The following ANK1 variants were observed in gnomAD, a reference collection of about 807,000 sequenced individuals.
ANK1 encodes ankyrin 1, also known as ankyrin-1.
ANK1 carries 51 observed loss-of-function variants against 210.4 expected under a neutral mutation model. The ratio of observed to expected loss-of-function variants is 0.24; its 90% confidence interval spans 0.19 to 0.31. ANK1 has a LOEUF of 0.31. Among genes scored for constraint, ANK1 ranks in the 10% least tolerant of loss-of-function variants. ANK1 has a pLI of 1.00. For missense variants in ANK1, 2,051 were observed against 2,504.4 expected (o/e 0.82, Z 3.86); for synonymous variants, 967 against 1,025.9 (o/e 0.94, Z 1.10).
rs746685532 is a variant in ANK1, at chr8:41,723,154, G to T, written c.880C>A (p.His294Asn). ...HVRISEILLD[H>N]GAPIQAKTKN... ...GTTTTGGCTTGGATTGGTGCCCCGT[G>T]GTCCAGCAGGATCTCTGAGATTCGC... The change falls in exon 9 of 43, where the codon CAC (histidine) becomes AAC (asparagine). Residue 294 changes from histidine (H) to asparagine (N), a missense_variant. Physicochemically the swap from His to Asn is moderately conservative, Grantham distance 68 (BLOSUM62 1). Around this residue, in one of 6 missense-constraint regions of ANK1, gnomAD observed 1,413 missense variants for 1,707.4 expected, o/e 0.83. Transcript: ENST00000289734. The T allele has an allele frequency of 6.2e-7, 1 of 1,614,168 alleles. No individual in the cohort carries two copies. The highest frequency in any genetic ancestry group is 8.5e-7 in the Non-Finnish European group (1 of 1,180,036).
chr8:41,884,275 G>A (rs1303133456), intron 1 of ANK1, among the ~76,000 whole-genome samples: 1 of 152,098 alleles, frequency 6.6e-6, no homozygotes, highest in East Asian at 1.9e-4. Context: ...TTGAACCTGG[G>A]AGGCAGAGGT....
At chr8:41,825,238 C>T (rs556942178) in intron 1 of ANK1, among the ~76,000 whole-genome samples, 2 of 152,356 alleles carry the variant, frequency 1.3e-5, no homozygotes, top group South Asian at 4.1e-4. Flanking sequence ...TCCTACAACA[C>T]AGGCTTCTAG....
At chr8:41,867,754 G>A (rs1326024937) in intron 1 of ANK1, among the ~76,000 whole-genome samples, 2 of 152,200 alleles carry the variant, frequency 1.3e-5, no homozygotes, top group Admixed American at 6.5e-5. Context: ...CCACTGAAAT[G>A]ACAGTGTTCC....
intron 2 of ANK1, among the ~76,000 whole-genome samples, chr8:41,740,195 T>C (rs1360514776): frequency 1.7e-4 from 25 of 149,716 alleles, no homozygotes; most frequent in African/African-American, 6.2e-4. Flanking sequence ...AGTTTCACTC[T>C]CATTGCCCAG....
At chr8:41,816,038 A>T (rs1202252313) in intron 1 of ANK1, among the ~76,000 whole-genome samples, 1 of 152,220 alleles carries the variant, frequency 6.6e-6, no homozygotes, top group African/African-American at 2.4e-5. Flanking sequence ...ATAAAACATT[A>T]TTACTGTTTA....
At chr8:41,678,788 G>C (rs1469271979) in intron 37 of ANK1, among the ~76,000 whole-genome samples, 2 of 151,990 alleles carry the variant, frequency 1.3e-5, no homozygotes, top group Non-Finnish European at 2.9e-5. Context: ...TTTTTTGTTT[G>C]TTTGTTTGTT....
chr8:41,854,546 G>A (rs1364781752), intron 1 of ANK1, among the ~76,000 whole-genome samples: 3 of 152,188 alleles, frequency 2.0e-5, no homozygotes, highest in Non-Finnish European at 4.4e-5. Flanking sequence ...ATGCTTCGGT[G>A]AGTGGTGGTG....
At chr8:41,718,444 T>C (rs1828325326) in intron 10 of ANK1, among the ~76,000 whole-genome samples, 1 of 152,234 alleles carries the variant, frequency 6.6e-6, no homozygotes, top group Non-Finnish European at 1.5e-5. Context: ...ACATGTTGTT[T>C]ATAAACCTTT....
intron 1 of ANK1, among the ~76,000 whole-genome samples, chr8:41,811,582 C>T (rs918880360): frequency 6.6e-6 from 1 of 152,188 alleles, no homozygotes; most frequent in Non-Finnish European, 1.5e-5. Flanking sequence ...TGGCACTGCC[C>T]TCCCTGGCTC....
chr8:41,799,065 C>T (rs904968022), upstream of ANK1, among the ~76,000 whole-genome samples: 1 of 152,284 alleles, frequency 6.6e-6, no homozygotes, highest in Non-Finnish European at 1.5e-5. Context: ...TGACAGAGTT[C>T]TAGGCCACAT....
intron 3 of ANK1, among the ~76,000 whole-genome samples, chr8:41,731,861 C>T (rs980943687): frequency 2.6e-5 from 4 of 152,260 alleles, no homozygotes; most frequent in African/African-American, 7.2e-5. Flanking sequence ...GGCGCCGCTC[C>T]GGCACACGCG....
intron 2 of ANK1, among the ~76,000 whole-genome samples, chr8:41,747,769 G>A (rs555954651): frequency 5.7e-4 from 87 of 152,264 alleles, no homozygotes; most frequent in Admixed American, 2.0e-3. Flanking sequence ...ATTCCGGATC[G>A]TTCCTGAAGG....
intron 1 of ANK1, among the ~76,000 whole-genome samples, chr8:41,824,831 C>T (rs1438545845): frequency 2.6e-5 from 4 of 152,196 alleles, no homozygotes; most frequent in African/African-American, 9.7e-5. Context: ...TGTGCCTGAG[C>T]TCACAGAGCG....
rs577914918 is a variant in ANK1, at chr8:41,790,509, G to A, written c.27+7003C>T. Among the ~76,000 whole-genome samples the A allele has an allele frequency of 5.2e-4, 79 of 152,108 alleles. 1 individual carries two copies. The highest frequency in any genetic ancestry group is 1.4e-3 in the African/African-American group (59 of 41,486). ...AGGGAGCTCAGGGAGCTCAGGGAGCGAGCTTCCCCTTCCCTCCTAACCACT... is the reference window on the plus strand; with the variant it reads ...AGGGAGCTCAGGGAGCTCAGGGAGCAAGCTTCCCCTTCCCTCCTAACCACT... On this transcript the variant is annotated intron_variant, in intron 1 of 42. Transcript: ENST00000289734.
chr8:41,834,249 C>T (rs969521310), intron 1 of ANK1, among the ~76,000 whole-genome samples: 8 of 152,156 alleles, frequency 5.3e-5, no homozygotes, highest in Non-Finnish European at 1.0e-4. Context: ...GCCATGGCCA[C>T]GGGGCAGAAA....
upstream of ANK1, chr8:41,797,753 G>A: frequency 1.7e-6 from 1 of 602,630 alleles, no homozygotes; most frequent in Non-Finnish European, 2.7e-6. The surrounding 1 kb of genome is among the most constrained non-coding windows in gnomAD (Gnocchi z 4.0). Flanking sequence ...CAGATTACAA[G>A]AGCACCTCCT....
chr8:41,679,037 C>A (rs1014116459), intron 37 of ANK1, among the ~76,000 whole-genome samples: 1 of 152,254 alleles, frequency 6.6e-6, no homozygotes, highest in Middle Eastern at 3.4e-3. Flanking sequence ...CCGCCCACCT[C>A]GGCCTCCCAA....
intron 10 of ANK1, 95 bp from the exon 11 acceptor site, chr8:41,718,299 G>T: frequency 8.6e-7 from 1 of 1,166,274 alleles, no homozygotes; most frequent in Non-Finnish European, 1.3e-6. Context: ...AAAGGCAGCT[G>T]CTGCCCAGGC....
Position 41,718,057 on chromosome 8 carries a change from C to T in ANK1, c.1206+49G>A, listed in dbSNP as rs745426288. The T allele has an allele frequency of 3.5e-5, 54 of 1,564,982 alleles. 1 individual carries two copies. The East Asian group carries it at 8.5e-4, about 25-fold the overall frequency. On this transcript the variant is annotated intron_variant, in intron 11 of 42. Coordinates refer to ENST00000289734, the MANE Select transcript of ANK1 (RefSeq NM_000037.4). ...AGAGCGACTCTTGGAGAAGGTGGGT[C>T]GGGGGAGACCACAGGCCTGCCCCCA...
Sources: allele counts gnomAD v4.1 joint callset (sites outside exome capture counted in the v4.1 genomes callset), GRCh38; gene constraint gnomAD v4.1.1; regional missense constraint gnomAD v4.1.1; non-coding constraint Gnocchi (gnomAD v3.1); transcripts MANE v1.5; gene names NCBI Gene and HGNC (gene_info 2026-07-23, HGNC 2026-07-21).